The following ARHGEF28 variants were observed in gnomAD, a reference collection of about 807,000 sequenced individuals.
ARHGEF28 encodes the protein Rho guanine nucleotide exchange factor 28.
ARHGEF28 carries 152 observed loss-of-function variants against 206.6 expected under a neutral mutation model. The observed-to-expected ratio is 0.74, with a 90% CI of 0.64 to 0.84. The LOEUF is 0.84. ARHGEF28 is among the 40% of genes least tolerant of loss of function. The probability of loss-of-function intolerance (pLI) is 0.00; values close to 1 mark genes in which losing one functional copy is unlikely to be tolerated. For missense variants in ARHGEF28, 2,028 were observed against 2,073.2 expected, an observed-to-expected ratio of 0.98 and a Z score of 0.42; for synonymous variants, 763 against 776.4, an observed-to-expected ratio of 0.98 and a Z score of 0.29.
At chr5:73,737,511 T>C (rs1449970323) in intron 2 of ARHGEF28, among the ~76,000 whole-genome samples, 1 of 129,920 alleles carries the variant, frequency 7.7e-6, no homozygotes, top group African/African-American at 3.0e-5. Context: ...TCTTTTCTTT[T>C]CTTTTCTTTT....
At chr5:73,723,853 A>G (rs1315765910) in intron 2 of ARHGEF28, among the ~76,000 whole-genome samples, 1 of 152,228 alleles carries the variant, frequency 6.6e-6, no homozygotes, top group Non-Finnish European at 1.5e-5. Flanking sequence ...TGGTTCTAGC[A>G]TGAGCATGAA....
chr5:73,840,658 A>C lies in ARHGEF28; in HGVS notation c.1325A>C (p.Gln442Pro). 2 of 1,613,762 alleles carry C rather than the reference A, an allele frequency of 1.2e-6. No individual in the cohort carries two copies. The highest frequency in any genetic ancestry group is 1.7e-6 in the Non-Finnish European group (2 of 1,179,746). The change falls in exon 11 of 36, where the codon CAG (glutamine) becomes CCG (proline). Residue 442 changes from glutamine (Q) to proline (P), a missense_variant. By Grantham distance (76) the Gln-to-Pro change is moderately conservative. Transcript: ENST00000513042. ...GAAGGGACAGCACACACTGAAGCCC[A>C]GCAGTCCTTCATGTCACCATCAAGT... The part of the protein sequence containing the change: ...NVEGTAHTEA[Q>P]QSFMSPSSSC...
At position 73,909,514 on chromosome 5, in the gene ARHGEF28, T is replaced by C. The variant is rs978965897; in HGVS notation, c.4264T>C (p.Leu1422=). ...LGHSILRGGP[L]QDQKSRDADR... ...CCACTCTATCCTCCGAGGCGGCCCC[T>C]TGCAGGACCAGAAGTCTCGCGACGC... Residue 1422 remains leucine (L), a synonymous_variant, in exon 34 of 36, where the codon TTG becomes CTG. Transcript: ENST00000513042. The C allele has an allele frequency of 2.5e-6, 4 of 1,606,858 alleles. No homozygotes were observed. Among genetic ancestry groups the C allele is most frequent in the Non-Finnish European group, 3.4e-6 (4 of 1,176,804 alleles).
At chr5:73,629,661 G>T (rs1353682828) in intron 1 of ARHGEF28, among the ~76,000 whole-genome samples, 3 of 151,922 alleles carry the variant, frequency 2.0e-5, no homozygotes, top group Admixed American at 2.0e-4. Flanking sequence ...TAACATTATT[G>T]CTCCTGGACT....
At chr5:73,778,621 G>A (rs1753664928) in intron 6 of ARHGEF28, among the ~76,000 whole-genome samples, 1 of 152,162 alleles carries the variant, frequency 6.6e-6, no homozygotes, top group Non-Finnish European at 1.5e-5. Context: ...CGAGAAGGAA[G>A]GGCTGAGAGA....
intron 1 of ARHGEF28, among the ~76,000 whole-genome samples, chr5:73,661,557 CAA>C (rs1228099550): frequency 2.0e-5 from 3 of 152,064 alleles, no homozygotes; most frequent in Admixed American, 6.6e-5. Flanking sequence ...TCACTAAGCT[CAA>C]TAATTTCTTG....
intron 16 of ARHGEF28, among the ~76,000 whole-genome samples, chr5:73,859,873 ATCT>A (rs1006175058): frequency 1.1e-4 from 16 of 152,148 alleles, no homozygotes; most frequent in Admixed American, 6.5e-4. Context: ...AAGTTGGGTA[ATCT>A]TCACCCACTG....
chr5:73,693,507 C>T (rs1399249519), intron 2 of ARHGEF28, among the ~76,000 whole-genome samples: 1 of 152,150 alleles, frequency 6.6e-6, no homozygotes, highest in African/African-American at 2.4e-5. Flanking sequence ...TAGAAATTTT[C>T]ATTAGCTCAG....
intron 1 of ARHGEF28, among the ~76,000 whole-genome samples, chr5:73,644,245 T>G (rs1433871852): frequency 6.6e-6 from 1 of 152,106 alleles, no homozygotes; most frequent in African/African-American, 2.4e-5. Flanking sequence ...GCACAGTTAG[T>G]GAGAGTCTGT....
chr5:73,660,608 T>G (rs906252058), intron 1 of ARHGEF28, among the ~76,000 whole-genome samples: 4 of 152,198 alleles, frequency 2.6e-5, no homozygotes, highest in African/African-American at 9.7e-5. Flanking sequence ...ATGCATTTCT[T>G]AAATAATAAG....
intron 1 of ARHGEF28, among the ~76,000 whole-genome samples, chr5:73,642,930 A>G (rs1397074084): frequency 6.6e-6 from 1 of 152,224 alleles, no homozygotes; most frequent in Non-Finnish European, 1.5e-5. Context: ...TCAAACTTGT[A>G]CATTTTAATG....
intron 7 of ARHGEF28, among the ~76,000 whole-genome samples, chr5:73,785,953 A>T (rs1022117508): frequency 4.0e-5 from 6 of 151,742 alleles, no homozygotes; most frequent in African/African-American, 1.5e-4. Flanking sequence ...TTCAGGCTGG[A>T]CAGGTGGACA....
intron 1 of ARHGEF28, among the ~76,000 whole-genome samples, chr5:73,632,004 C>T (rs13160575): frequency 1.3e-5 from 2 of 151,976 alleles, no homozygotes; most frequent in East Asian, 1.9e-4. Flanking sequence ...AACTTTACAT[C>T]GTGACTGTAG....
intron 10 of ARHGEF28, among the ~76,000 whole-genome samples, chr5:73,837,870 T>C (rs1474185534): frequency 6.6e-6 from 1 of 151,718 alleles, no homozygotes; most frequent in Non-Finnish European, 1.5e-5. Context: ...GCCTCCAGAG[T>C]AGCTGGGATT....
intron 2 of ARHGEF28, among the ~76,000 whole-genome samples, chr5:73,718,347 G>C (rs934260878): frequency 6.6e-6 from 1 of 152,162 alleles, no homozygotes; most frequent in Non-Finnish European, 1.5e-5. Context: ...TAGGGATGTT[G>C]TCTGATGCAA....
intron 1 of ARHGEF28, among the ~76,000 whole-genome samples, chr5:73,655,830 T>C (rs1431102481): frequency 6.6e-6 from 1 of 152,066 alleles, no homozygotes; most frequent in Non-Finnish European, 1.5e-5. Flanking sequence ...CCAAAGAAAA[T>C]AGCCCTGAAG....
intron 3 of ARHGEF28, among the ~76,000 whole-genome samples, chr5:73,752,404 T>C (rs552349202): frequency 6.6e-6 from 1 of 152,244 alleles, no homozygotes; most frequent in Admixed American, 6.5e-5. Context: ...CCCTTTTGTT[T>C]TCTCTTGGGT....
intron 9 of ARHGEF28, among the ~76,000 whole-genome samples, chr5:73,798,287 ACT>A (rs1580632272): frequency 6.6e-6 from 1 of 152,032 alleles, no homozygotes; most frequent in East Asian, 1.9e-4. Context: ...GAGTATAGTC[ACT>A]CTATTGTGCT....
At chr5:73,648,127 G>C (rs1471527144) in intron 1 of ARHGEF28, among the ~76,000 whole-genome samples, 1 of 152,116 alleles carries the variant, frequency 6.6e-6, no homozygotes, top group Non-Finnish European at 1.5e-5. Flanking sequence ...TTATTCTTGG[G>C]GGGATGGATT....
Sources: gnomAD v4.1 joint callset for allele counts (sites outside exome capture counted in the v4.1 genomes callset) on GRCh38, gnomAD v4.1.1 for gene constraint, MANE v1.5 for transcripts, NCBI Gene and HGNC (gene_info 2026-07-23, HGNC 2026-07-21) for gene names.